GEMIN4: variants seen among roughly 807,000 people sequenced by gnomAD.
GEMIN4 encodes the protein gem-associated protein 4.
Under a neutral mutation model 76.8 loss-of-function variants are expected in GEMIN4, and 59 were observed. The ratio of observed to expected loss-of-function variants is 0.77; its 90% confidence interval spans 0.62 to 0.95. The LOEUF is 0.95. Among genes scored for constraint, GEMIN4 ranks in the 40% least tolerant of loss-of-function variants. GEMIN4 has a pLI of 0.00. For synonymous variants in GEMIN4, 562 were observed against 559.7 expected, an observed-to-expected ratio of 1.00 and a Z score of -0.06; for missense variants, 1,311 against 1,318.9, an observed-to-expected ratio of 0.99 and a Z score of 0.09.
intron 1 of GEMIN4, chr17:749,278 A>G (rs1904495664): frequency 5.5e-5 from 10 of 180,686 alleles, no homozygotes; most frequent in East Asian, 2.2e-4. Context: ...CAGCAATCAC[A>G]CGGCCACAGG....
At chr17:748,535 G>A (rs1313180377) in intron 1 of GEMIN4, 1 of 179,656 alleles carries the variant, frequency 5.6e-6, no homozygotes, top group Non-Finnish European at 1.2e-5. Context: ...GGCCAGCAGA[G>A]GATGTGGGGA....
At chr17:748,841 A>G (rs1359544938) in intron 1 of GEMIN4, 6 of 193,366 alleles carry the variant, frequency 3.1e-5, no homozygotes, top group South Asian at 7.2e-5. Context: ...CACAGCAGCA[A>G]TCACACAGCC....
chr17:744,604 TAGAAG>T lies in GEMIN4; in HGVS notation c.*257_*261del. The T allele has an allele frequency of 2.6e-6, 1 of 388,060 alleles. No homozygotes were observed. Among genetic ancestry groups the T allele is most frequent in the South Asian group, 4.4e-5 (1 of 22,760 alleles). 24.0% of individuals were successfully genotyped at this position (388,060 alleles called of 1,614,324 possible). A position where few individuals can be genotyped will look rare whatever the true frequency, so the allele number is the denominator to read the frequency against. On this transcript the variant is annotated 3_prime_UTR_variant, in exon 2 of 2. Coordinates refer to ENST00000319004, the MANE Select transcript of GEMIN4 (RefSeq NM_015721.3). ...TCCTGGGCTATTGCTGAGGCCGACT[TAGAAG>T]AGACAAAGTGAGATGCGAAAGAGGA...
chr17:746,481 C>T lies in GEMIN4; in HGVS notation c.1562G>A (p.Gly521Asp). 1 of 1,614,002 alleles carries T rather than the reference C, an allele frequency of 6.2e-7. No homozygotes were observed. Among genetic ancestry groups the T allele is most frequent in the Non-Finnish European group, 8.5e-7 (1 of 1,179,894 alleles). The change falls in exon 2 of 2, where the codon GGT (glycine) becomes GAT (aspartate). Residue 521 changes from glycine to aspartate, a missense_variant. Gly to Asp is a moderately conservative substitution (Grantham distance 94). Coordinates refer to ENST00000319004, the MANE Select transcript of GEMIN4 (RefSeq NM_015721.3). This position sits in a 1 kb window ranked among gnomAD's most constrained non-coding sequence, Gnocchi z 4.3. ...LSEKLLAYVEGFQEDLNTTFN... is the reference protein window; with the variant it reads ...LSEKLLAYVEDFQEDLNTTFN... Reference sequence around the variant, plus strand: ...AGTTGTATTGAGGTCTTCCTGAAAACCCTCCACATAAGCCAGCAACTTTTC... The same window carrying T: ...AGTTGTATTGAGGTCTTCCTGAAAATCCTCCACATAAGCCAGCAACTTTTC...
At position 747,549 on chromosome 17, in the gene GEMIN4, C is replaced by T. The variant is rs1168436606; in HGVS notation, c.494G>A (p.Trp165Ter). Residue 165 changes from tryptophan to a stop codon, truncating the protein, a stop_gained, in exon 2 of 2, where the codon TGG becomes TAG. Transcript: ENST00000319004. LOFTEE classifies it high-confidence loss of function. ...EDVAFFLDVWWEVMKHKGHPQ... is the reference protein window; with the variant it reads ...EDVAFFLDVW ...GTGACCCTTGTGCTTCATCACCTCC[C>T]ACCAGACGTCCAGGAAGAAGGCCAC... is the stretch of plus-strand genomic sequence containing the variant. 13 of 1,613,756 alleles carry T rather than the reference C, an allele frequency of 8.1e-6. No individual in the cohort carries two copies. The highest frequency in any genetic ancestry group is 1.0e-5 in the Non-Finnish European group (12 of 1,179,882).
At chr17:749,895 C>G (rs979597715) in intron 1 of GEMIN4, 132 of 990,278 alleles carry the variant, frequency 1.3e-4, no homozygotes, top group Non-Finnish European at 1.5e-4. Context: ...AAACAAGGTA[C>G]TCATGGCCCT....
Position 747,668 on chromosome 17 carries a change from A to G in GEMIN4, c.375T>C (p.Phe125=), listed in dbSNP as rs752161777. 2.5e-5 allele frequency: 41 copies of G among 1,613,768 alleles called. No homozygotes were observed. Among genetic ancestry groups the G allele is most frequent in the Non-Finnish European group, 3.0e-5 (35 of 1,179,754 alleles). Residue 125 remains phenylalanine, a synonymous_variant, in exon 2 of 2, where the codon TTT becomes TTC. Coordinates refer to ENST00000319004, the MANE Select transcript of GEMIN4 (RefSeq NM_015721.3). ...TGGGCAGGGCCATCAGGAGCTGGAT[A>G]AAGAGTCCAGAAGCTTCCAGGGATT... The part of the protein sequence containing the change: ...LLKSLEASGL[F]IQLLMALPTT...
chr17:748,113 T>C, intron 1 of GEMIN4, 81 bp from the exon 2 acceptor site: 1 of 1,112,174 alleles, frequency 9.0e-7, no homozygotes, highest in South Asian at 1.6e-5. Context: ...TGTCATGGTT[T>C]GAGATGACAA....
intron 1 of GEMIN4, chr17:749,831 A>C (rs1191871600): frequency 1.0e-6 from 1 of 994,978 alleles, no homozygotes; most frequent in Non-Finnish European, 1.2e-6. Flanking sequence ...ACAGGCTTCA[A>C]ACATTCTTCT....
At chr17:748,766 CAG>C in intron 1 of GEMIN4, 1 of 208,308 alleles carries the variant, frequency 4.8e-6, no homozygotes. Flanking sequence ...GTAATGGGCA[CAG>C]AGCAATCACA....
In GEMIN4 at chr17:744,510, T is replaced by A; in HGVS notation, c.*356A>T. Reference sequence around the variant, plus strand: ...CAAAATCTAGGATGGAAAAGTCCAGTTATGAACATGTTCCTCCTGGCTGGA... The same window carrying A: ...CAAAATCTAGGATGGAAAAGTCCAGATATGAACATGTTCCTCCTGGCTGGA... On this transcript the variant is annotated 3_prime_UTR_variant, in exon 2 of 2. Transcript: ENST00000319004. The A allele has an allele frequency of 5.0e-6, 1 of 200,202 alleles. No homozygotes were observed. The highest frequency in any genetic ancestry group is 1.2e-4 in the South Asian group (1 of 8,352). The allele number at this position is 200,202 out of a possible 1,614,324, so 12.4% of individuals were successfully genotyped here.
At position 746,782 on chromosome 17, in the gene GEMIN4, C is replaced by G. The variant is rs780407044; in HGVS notation, c.1261G>C (p.Val421Leu). ...IQQKMDRHME[V>L]CYIFASEKKW... ...TTCTCAGAGGCAAAAATGTAGCACA[C>G]TTCCATATGGCGGTCCATCTTCTGC... The change falls in exon 2 of 2, where the codon GTG becomes CTG. Residue 421 changes from valine to leucine, a missense_variant. Val to Leu is a conservative substitution (Grantham distance 32). Coordinates refer to ENST00000319004, the MANE Select transcript of GEMIN4 (RefSeq NM_015721.3). The surrounding 1 kb of genome is among the most constrained non-coding windows in gnomAD (Gnocchi z 4.3). 8.1e-6 allele frequency: 13 copies of G among 1,613,846 alleles called. No homozygotes were observed. Among genetic ancestry groups the G allele is most frequent in the Non-Finnish European group, 1.1e-5 (13 of 1,179,842 alleles).
chr17:748,784 A>C (rs909637908), intron 1 of GEMIN4: 1 of 211,420 alleles, frequency 4.7e-6, no homozygotes, highest in African/African-American at 2.5e-5. Context: ...TCACACAGCC[A>C]CAGGGTAATG....
At position 747,656 on chromosome 17, in the gene GEMIN4, C is replaced by G. The variant is rs1296062839; in HGVS notation, c.387G>C (p.Leu129=). Reference sequence around the variant, plus strand: ...GGCAGATGGTGGTGGGCAGGGCCATCAGGAGCTGGATAAAGAGTCCAGAAG... The same window carrying G: ...GGCAGATGGTGGTGGGCAGGGCCATGAGGAGCTGGATAAAGAGTCCAGAAG... ...LEASGLFIQL[L]MALPTTICHA... is the part of the protein sequence containing the mutation. Residue 129 remains leucine (L), a synonymous_variant, in exon 2 of 2, where the codon CTG becomes CTC. Transcript: ENST00000319004. The G allele has an allele frequency of 1.2e-6, 2 of 1,613,794 alleles. No homozygotes were observed. Among genetic ancestry groups the G allele is most frequent in the African/African-American group, 2.7e-5 (2 of 74,900 alleles).
intron 1 of GEMIN4, among the ~76,000 whole-genome samples, chr17:749,517 C>A (rs1904527052): frequency 6.8e-6 from 1 of 146,140 alleles, no homozygotes; most frequent in African/African-American, 2.6e-5. Flanking sequence ...AATCACACAG[C>A]CACAGGATAA....
Position 746,425 on chromosome 17 carries a change from G to C in GEMIN4, c.1618C>G (p.Gln540Glu). ...FNQLTQSASE[Q>E]GLAKAVASVA... ...GAGGCCACAGCTTTTGCCAAGCCCT[G>C]TTCGGAGGCACTCTGAGTGAGCTGG... Residue 540 changes from glutamine (Q) to glutamate (E), a missense_variant, in exon 2 of 2, where the codon CAG becomes GAG. By Grantham distance (29) the Gln-to-Glu change is conservative. Coordinates refer to ENST00000319004, the MANE Select transcript of GEMIN4 (RefSeq NM_015721.3). The surrounding 1 kb of genome is among the most constrained non-coding windows in gnomAD (Gnocchi z 4.3). 6.2e-7 allele frequency: 1 copy of C among 1,613,992 alleles called. No homozygotes were observed. Among genetic ancestry groups the C allele is most frequent in the Non-Finnish European group, 8.5e-7 (1 of 1,179,900 alleles).
rs573564033 is a variant in GEMIN4 at position 748,084 on chromosome 17, G to C, written c.11-52C>G. On this transcript the variant is annotated intron_variant, in intron 1 of 1. Coordinates refer to ENST00000319004, the MANE Select transcript of GEMIN4 (RefSeq NM_015721.3). ...AGTATAGTGAAAATGTTTCCAGATG[G>C]CCACTGCTGTTAGTAGGCTGTCATG... The C allele has an allele frequency of 2.2e-6, 3 of 1,372,036 alleles. No homozygotes were observed. In the African/African-American group the frequency reaches 4.3e-5, roughly 20 times the overall value. The allele number at this position is 1,372,036 out of a possible 1,614,324, so 85.0% of individuals were successfully genotyped here.
In GEMIN4 at chr17:746,288, G is replaced by A; in HGVS notation, c.1755C>T (p.Phe585=). The A allele has an allele frequency of 1.2e-6, 2 of 1,613,780 alleles. No homozygotes were observed. Among genetic ancestry groups the A allele is most frequent in the East Asian group, 2.2e-5 (1 of 44,874 alleles). ...HKFLAQILTA[F]PALRFVEEQG... ...GCTCTTCCACAAACCTAAGGGCAGG[G>A]AAGGCAGTGAGAATCTGGGCCAGGA... The change falls in exon 2 of 2, where the codon TTC becomes TTT. Residue 585 remains phenylalanine (F), a synonymous_variant. Transcript: ENST00000319004. This position sits in a 1 kb window ranked among gnomAD's most constrained non-coding sequence, Gnocchi z 4.3.
At chr17:749,857 G>A (rs769045938) in intron 1 of GEMIN4, 57 of 994,024 alleles carry the variant, frequency 5.7e-5, no homozygotes, top group Non-Finnish European at 6.0e-5. Flanking sequence ...TCAGGGAAAC[G>A]GTCCACCCCA....
Sources: gnomAD v4.1 joint callset for allele counts (sites outside exome capture counted in the v4.1 genomes callset) on GRCh38, gnomAD v4.1.1 for gene constraint, Gnocchi (gnomAD v3.1) non-coding constraint, MANE v1.5 for transcripts, NCBI Gene and HGNC (gene_info 2026-07-23, HGNC 2026-07-21) for gene names.